LRRIQ1: variants seen among roughly 807,000 people sequenced by gnomAD.
LRRIQ1 encodes leucine-rich repeat- and IQ domain-containing protein 1.
A neutral mutation model predicts 211.9 loss-of-function variants in LRRIQ1; 210 were observed. The ratio of observed to expected loss-of-function variants is 0.99; its 90% confidence interval spans 0.89 to 1.11. LRRIQ1 has a LOEUF of 1.11. Among genes scored for constraint, LRRIQ1 ranks in the 50% most tolerant of loss-of-function variants. The probability of loss-of-function intolerance (pLI) is 0.00; values close to 1 mark genes in which losing one functional copy is unlikely to be tolerated. For missense variants in LRRIQ1, 2,136 were observed against 1,939.5 expected (o/e 1.10, Z -1.90); for synonymous variants, 699 against 650.1 (o/e 1.08, Z -1.14).
At chr12:85,137,114 A>C (rs1193253110) in intron 18 of LRRIQ1, among the ~76,000 whole-genome samples, 1 of 151,368 alleles carries the variant, frequency 6.6e-6, no homozygotes, top group Non-Finnish European at 1.5e-5. Context: ...ATATACTTCA[A>C]AATATGTGTT....
In LRRIQ1 at chr12:85,186,659, AT is replaced by A. The variant is rs554103191; in HGVS notation, c.4822+25952del. Reference sequence around the variant, plus strand: ...AACTAGTGAAATATGCAAAAAATATATTTTTTTAATAAGAAGCCTGTGTAAT... The same window carrying A: ...AACTAGTGAAATATGCAAAAAATATATTTTTTAATAAGAAGCCTGTGTAAT... On this transcript the variant is annotated intron_variant, in intron 24 of 26. Coordinates refer to ENST00000393217, the MANE Select transcript of LRRIQ1 (RefSeq NM_001079910.2). Among the ~76,000 whole-genome samples, 248 of 152,104 alleles carry A rather than the reference AT, an allele frequency of 1.6e-3. 1 individual carries two copies. Among genetic ancestry groups the A allele is most frequent in the African/African-American group, 5.6e-3 (234 of 41,506 alleles).
chr12:85,054,017 G>T (rs1021964130), intron 7 of LRRIQ1, among the ~76,000 whole-genome samples: 2 of 152,162 alleles, frequency 1.3e-5, no homozygotes, highest in Non-Finnish European at 2.9e-5. Flanking sequence ...GTAAAGATAT[G>T]ACTTTGTTGC....
At chr12:85,143,792 A>G (rs936226108) in intron 19 of LRRIQ1, among the ~76,000 whole-genome samples, 2 of 151,574 alleles carry the variant, frequency 1.3e-5, no homozygotes, top group African/African-American at 4.8e-5. Flanking sequence ...AAACCTTTGT[A>G]ATTTAATGCA....
intron 24 of LRRIQ1, among the ~76,000 whole-genome samples, chr12:85,166,812 G>C (rs1226601818): frequency 6.6e-6 from 1 of 152,162 alleles, no homozygotes; most frequent in Non-Finnish European, 1.5e-5. Flanking sequence ...AATTATCATG[G>C]ATGCAAAGAT....
At chr12:85,247,248 A>C (rs958201296), downstream of LRRIQ1, among the ~76,000 whole-genome samples, 4 of 151,660 alleles carry the variant, frequency 2.6e-5, no homozygotes, top group African/African-American at 9.7e-5. Flanking sequence ...GCCCTGGGTC[A>C]ACCAGTTAAC....
chr12:85,270,444 G>A, the LRRIQ1 span, among the ~76,000 whole-genome samples: 2 of 151,908 alleles, frequency 1.3e-5, no homozygotes, highest in Non-Finnish European at 2.9e-5. Context: ...CCTTAATGCA[G>A]TACACACACC....
intron 15 of LRRIQ1, among the ~76,000 whole-genome samples, chr12:85,112,057 T>C (rs1378021744): frequency 1.3e-5 from 2 of 152,022 alleles, no homozygotes; most frequent in African/African-American, 4.8e-5. Flanking sequence ...CATGTTTGCA[T>C]GCACAGTTTT....
intron 11 of LRRIQ1, among the ~76,000 whole-genome samples, chr12:85,088,643 C>T (rs1363404585): frequency 6.6e-6 from 1 of 152,086 alleles, no homozygotes; most frequent in Non-Finnish European, 1.5e-5. Flanking sequence ...TTGTAGTTCG[C>T]CTTGAAGAGG....
At chr12:85,168,892 T>C (rs997449302) in intron 24 of LRRIQ1, among the ~76,000 whole-genome samples, 1 of 152,318 alleles carries the variant, frequency 6.6e-6, no homozygotes, top group Admixed American at 6.5e-5. Flanking sequence ...TCTTTAGTTA[T>C]GAAGTTTGTG....
intron 26 of LRRIQ1, among the ~76,000 whole-genome samples, chr12:85,238,402 G>A (rs1395990018): frequency 6.6e-6 from 1 of 151,956 alleles, no homozygotes. Flanking sequence ...GATTTAAAAA[G>A]CTTAACACAA....
At chr12:85,245,244 A>T (rs2137279102), downstream of LRRIQ1, 1 of 234,514 alleles carries the variant, frequency 4.3e-6, no homozygotes, top group Non-Finnish European at 8.1e-6. Context: ...AGATTTATAT[A>T]TGAAAGTAGT....
At chr12:85,257,041 T>G (rs11837882) in intron 1 of LRRIQ1, among the ~76,000 whole-genome samples, 18,944 of 114,020 alleles carry the variant, frequency 0.17, 3,760 homozygotes, top group African/African-American at 0.51. Context: ...ATATATATTA[T>G]ATAATTATAT....
chr12:85,116,201 G>A (rs2136385489), intron 15 of LRRIQ1, among the ~76,000 whole-genome samples: 1 of 152,314 alleles, frequency 6.6e-6, no homozygotes, highest in Non-Finnish European at 1.5e-5. Flanking sequence ...GGAGTGCAGT[G>A]GCGCGATCTC....
rs751668839 is a variant in LRRIQ1 at position 85,124,174 on chromosome 12, C to T, written c.3662C>T (p.Thr1221Ile). ...CATGCACACGAACGAGGGGATGTAA[C>T]TATCACCAAGAAAGATGAATCAGAA... is the stretch of plus-strand genomic sequence containing the variant. ...YRHAHERGDV[T>I]ITKKDESEAQ... Residue 1221 changes from threonine (T) to isoleucine (I), a missense_variant, in exon 17 of 27, where the codon ACT becomes ATT. Transcript: ENST00000393217. The T allele has an allele frequency of 5.0e-6, 8 of 1,614,038 alleles. No individual in the cohort carries two copies. The Admixed American group carries it at 5.0e-5, about 10-fold the overall frequency.
At position 85,144,098 on chromosome 12, in the gene LRRIQ1, T is replaced by C. The variant is rs578080521; in HGVS notation, c.4329+6129T>C. ...GCCCTCAAGTAGGCCCCAGTGTCTG[T>C]TGTTCCCTTCTTCGTGTCCATGTGT... On this transcript the variant is annotated intron_variant, in intron 19 of 26. Transcript: ENST00000393217. Among the ~76,000 whole-genome samples the C allele has an allele frequency of 2.6e-5, 4 of 151,658 alleles. No individual in the cohort carries two copies. In the South Asian group the frequency reaches 8.3e-4, roughly 31 times the overall value.
At position 85,083,442 on chromosome 12, in the gene LRRIQ1, C is replaced by CTT. The variant is rs11311762; in HGVS notation, c.2887+10359_2887+10360dup. 1.7e-3 allele frequency among the ~76,000 whole-genome samples: 244 copies of CTT among 144,418 alleles called. 1 individual carries two copies. Among genetic ancestry groups the CTT allele is most frequent in the African/African-American group, 5.9e-3 (231 of 39,240 alleles). 94.7% of individuals were successfully genotyped at this position (144,418 alleles called of 152,430 possible). A position where few individuals can be genotyped will look rare whatever the true frequency, so the allele number is the denominator to read the frequency against. On this transcript the variant is annotated intron_variant, in intron 11 of 26. Transcript: ENST00000393217. ...GGATTATTAATTTTTTTCTAAGTAA[C>CTT]TTTTTTTTTTTTTTTTAAGACGGAG... is the stretch of plus-strand genomic sequence containing the variant.
chr12:85,135,042 C>T (rs1889024564), intron 18 of LRRIQ1, among the ~76,000 whole-genome samples: 2 of 151,958 alleles, frequency 1.3e-5, no homozygotes, highest in South Asian at 4.1e-4. Flanking sequence ...ATCAGTATTA[C>T]AAATTCCTGT....
At chr12:85,093,419 T>C (rs1885583960) in intron 11 of LRRIQ1, among the ~76,000 whole-genome samples, 1 of 152,158 alleles carries the variant, frequency 6.6e-6, no homozygotes, top group Non-Finnish European at 1.5e-5. Context: ...TCAACCACAT[T>C]AAAGTGCATG....
intron 1 of LRRIQ1, among the ~76,000 whole-genome samples, chr12:85,254,917 G>C (rs1896046001): frequency 6.6e-6 from 1 of 151,922 alleles, no homozygotes; most frequent in Non-Finnish European, 1.5e-5. Context: ...AGCAAGATAA[G>C]TAAAGGACAT....
Sources: allele counts gnomAD v4.1 joint callset (sites outside exome capture counted in the v4.1 genomes callset), GRCh38; gene constraint gnomAD v4.1.1; transcripts MANE v1.5; gene names NCBI Gene and HGNC (gene_info 2026-07-23, HGNC 2026-07-21).